SNX29: variants seen among roughly 807,000 people sequenced by gnomAD.
SNX29 encodes the protein sorting nexin 29.
In SNX29, 78 loss-of-function variants were observed where a neutral mutation model predicts 102.1. The observed-to-expected ratio is 0.76, with a 90% confidence interval of 0.64 to 0.92. SNX29 has a LOEUF of 0.92. Ranked by LOEUF, SNX29 falls within the 40% of genes least tolerant of loss-of-function variation. The pLI, the probability that SNX29 is intolerant of heterozygous loss-of-function variation, is 0.00. For synonymous variants in SNX29, 580 were observed against 414.5 expected, an observed-to-expected ratio of 1.40 and a Z score of -4.85; for missense variants, 1,280 against 1,061.7, an observed-to-expected ratio of 1.21 and a Z score of -2.86.
At chr16:12,168,312 G>A (rs555033535) in intron 13 of SNX29, among the ~76,000 whole-genome samples, 3 of 152,178 alleles carry the variant, frequency 2.0e-5, no homozygotes, top group Non-Finnish European at 4.4e-5. Flanking sequence ...ATGTGCAAAA[G>A]CCCAGAAGTG....
At chr16:12,358,833 G>T (rs2082220325) in intron 16 of SNX29, among the ~76,000 whole-genome samples, 1 of 152,240 alleles carries the variant, frequency 6.6e-6, no homozygotes, top group Non-Finnish European at 1.5e-5. Context: ...GATTCAGGGA[G>T]CTTCCAGGTA....
chr16:12,376,758 A>AAAG (rs2082889381), intron 16 of SNX29, among the ~76,000 whole-genome samples: 1 of 144,488 alleles, frequency 6.9e-6, no homozygotes, highest in African/African-American at 2.5e-5. Context: ...AAAAAAAAAA[A>AAAG]GAACAATTCT....
At chr16:12,080,562 T>A (rs2051815315) in intron 11 of SNX29, among the ~76,000 whole-genome samples, 1 of 152,212 alleles carries the variant, frequency 6.6e-6, no homozygotes, top group Non-Finnish European at 1.5e-5. Context: ...TATTTTTTTG[T>A]AGAGTTGAGG....
intron 11 of SNX29, among the ~76,000 whole-genome samples, chr16:12,120,886 G>T (rs2053945191): frequency 6.6e-6 from 1 of 152,158 alleles, no homozygotes; most frequent in Admixed American, 6.5e-5. Flanking sequence ...CTCAACGGGA[G>T]CCTGAATCTC....
intron 20 of SNX29, among the ~76,000 whole-genome samples, chr16:12,558,504 A>G (rs980971610): frequency 3.9e-5 from 6 of 152,184 alleles, no homozygotes; most frequent in Non-Finnish European, 5.9e-5. Flanking sequence ...TTAGTTTTTA[A>G]TGAGCACTGT....
chr16:12,490,980 G>A (rs1289982401), intron 19 of SNX29, among the ~76,000 whole-genome samples: 14 of 152,198 alleles, frequency 9.2e-5, no homozygotes, highest in Admixed American at 9.2e-4. Flanking sequence ...TTATGAGAGG[G>A]TTTTCTTTTT....
At chr16:12,414,764 A>C (rs7187688) in intron 18 of SNX29, among the ~76,000 whole-genome samples, 85,578 of 152,034 alleles carry the variant, frequency 0.56, 24,609 homozygotes, top group Non-Finnish European at 0.63. Flanking sequence ...CTGTGTCTCC[A>C]AGGCTGGAGT....
intron 15 of SNX29, among the ~76,000 whole-genome samples, chr16:12,353,185 C>T (rs1172048153): frequency 1.3e-5 from 2 of 152,158 alleles, no homozygotes; most frequent in African/African-American, 2.4e-5. Context: ...TAGCACTGTG[C>T]CTGGAAGATG....
chr16:12,572,080 A>C lies in SNX29; in HGVS notation c.*3451A>C. The C allele has an allele frequency of 3.8e-6, 4 of 1,063,542 alleles. No homozygotes were observed. The South Asian group carries it at 1.8e-4, about 48-fold the overall frequency. The allele number at this position is 1,063,542 out of a possible 1,614,324, so 65.9% of individuals were successfully genotyped here. A position where few individuals can be genotyped will look rare whatever the true frequency, so the allele number is the denominator to read the frequency against. ...GAACCATCTTGCAAGATCTAGGAAGAGGAAGGGGAGGGATGTGGACTGGGT... is the reference window on the plus strand; with the variant it reads ...GAACCATCTTGCAAGATCTAGGAAGCGGAAGGGGAGGGATGTGGACTGGGT... On this transcript the variant is annotated 3_prime_UTR_variant, in exon 21 of 21. Transcript: ENST00000566228.
intron 20 of SNX29, among the ~76,000 whole-genome samples, chr16:12,530,891 C>G (rs774675723): frequency 6.6e-6 from 1 of 152,160 alleles, no homozygotes; most frequent in African/African-American, 2.4e-5. Flanking sequence ...CTCAGTCCTT[C>G]TGAAAGGTAA....
chr16:12,292,587 C>A (rs144863861), intron 15 of SNX29, among the ~76,000 whole-genome samples: 1 of 152,184 alleles, frequency 6.6e-6, no homozygotes, highest in Non-Finnish European at 1.5e-5. Flanking sequence ...AGGTGCTCTT[C>A]TAGTTGATTG....
At chr16:12,460,463 C>G (rs537841020) in intron 18 of SNX29, among the ~76,000 whole-genome samples, 1 of 152,058 alleles carries the variant, frequency 6.6e-6, no homozygotes, top group East Asian at 1.9e-4. Flanking sequence ...CTTGGTCTTC[C>G]CTCTTGTTAC....
At chr16:12,405,804 C>T (rs1436184505) in intron 18 of SNX29, among the ~76,000 whole-genome samples, 3 of 152,058 alleles carry the variant, frequency 2.0e-5, no homozygotes, top group South Asian at 4.1e-4. Context: ...GAGGCTGAGG[C>T]GGGTGGATCG....
chr16:12,440,534 T>C (rs1279084425), intron 18 of SNX29, among the ~76,000 whole-genome samples: 1 of 152,218 alleles, frequency 6.6e-6, no homozygotes, highest in African/African-American at 2.4e-5. Flanking sequence ...ACATTATTTC[T>C]TCACTCAGGT....
intron 20 of SNX29, among the ~76,000 whole-genome samples, chr16:12,551,863 G>C (rs925274870): frequency 6.6e-6 from 1 of 152,120 alleles, no homozygotes; most frequent in Non-Finnish European, 1.5e-5. Context: ...GAGCAGGCAG[G>C]TGATATTTCT....
chr16:12,467,093 C>T (rs1334408979), intron 18 of SNX29, among the ~76,000 whole-genome samples: 1 of 152,184 alleles, frequency 6.6e-6, no homozygotes, highest in Non-Finnish European at 1.5e-5. Context: ...TCGGGCAGAC[C>T]TGGGCTTCAG....
chr16:12,528,535 G>A (rs948814215), intron 20 of SNX29, among the ~76,000 whole-genome samples: 1 of 152,094 alleles, frequency 6.6e-6, no homozygotes, highest in African/African-American at 2.4e-5. Context: ...ATTGGTCACA[G>A]CACCATTCCC....
At chr16:11,985,950 G>A (rs2055605523) in intron 1 of SNX29, among the ~76,000 whole-genome samples, 1 of 150,862 alleles carries the variant, frequency 6.6e-6, no homozygotes, top group South Asian at 2.1e-4. Context: ...CTCCCGCCTC[G>A]AGCGCCACCA....
At chr16:12,021,115 T>G (rs1371278327) in intron 3 of SNX29, among the ~76,000 whole-genome samples, 2 of 152,200 alleles carry the variant, frequency 1.3e-5, no homozygotes, top group Non-Finnish European at 2.9e-5. Flanking sequence ...TCAAAAAGGC[T>G]CCAGTAAAGC....
Sources: allele counts gnomAD v4.1 joint callset (sites outside exome capture counted in the v4.1 genomes callset), GRCh38; gene constraint gnomAD v4.1.1; transcripts MANE v1.5; gene names NCBI Gene and HGNC (gene_info 2026-07-23, HGNC 2026-07-21).